The following FAM107B variants were observed in gnomAD, a reference collection of about 807,000 sequenced individuals.
The protein encoded by FAM107B is protein FAM107B.
FAM107B carries 21 observed loss-of-function variants against 31.5 expected under a neutral mutation model. The observed-to-expected ratio is 0.67, with a 90% CI of 0.47 to 0.96. The LOEUF (loss-of-function observed/expected upper bound fraction) is 0.96. Ranked by LOEUF, FAM107B falls within the 40% of genes least tolerant of loss-of-function variation. FAM107B has a pLI of 0.00. For synonymous variants in FAM107B, 157 were observed against 141.5 expected (o/e 1.11, Z -0.78); for missense variants, 452 against 377.1 (o/e 1.20, Z -1.64).
At chr10:14,710,433 CA>C (rs1855618004) in intron 1 of FAM107B, among the ~76,000 whole-genome samples, 1 of 6,804 alleles carries the variant, frequency 1.5e-4, no homozygotes, top group African/African-American at 2.7e-3. Context: ...TCTAAAAATA[CA>C]CACACACACA....
intron 2 of FAM107B, among the ~76,000 whole-genome samples, chr10:14,536,891 T>C (rs1564537893): frequency 1.3e-5 from 2 of 152,170 alleles, no homozygotes; most frequent in Non-Finnish European, 1.5e-5. Context: ...TGCCAAACAG[T>C]GATGCTCTTG....
chr10:14,662,305 T>G (rs1854264163), intron 2 of FAM107B, among the ~76,000 whole-genome samples: 1 of 151,802 alleles, frequency 6.6e-6, no homozygotes, highest in Non-Finnish European at 1.5e-5. Context: ...TATGCTCAGG[T>G]GGAGAAAGTG....
intron 2 of FAM107B, among the ~76,000 whole-genome samples, chr10:14,546,384 G>A (rs532864046): frequency 3.9e-5 from 6 of 152,292 alleles, no homozygotes; most frequent in East Asian, 1.9e-4. Context: ...TTTTGGCACC[G>A]TGAGTAACAC....
intron 2 of FAM107B, among the ~76,000 whole-genome samples, chr10:14,579,495 C>A (rs1229709959): frequency 6.6e-6 from 1 of 152,204 alleles, no homozygotes; most frequent in Non-Finnish European, 1.5e-5. Context: ...CAAAACCGTT[C>A]CTACCTCTCT....
chr10:14,557,769 G>C (rs1344056680), intron 2 of FAM107B, among the ~76,000 whole-genome samples: 1 of 152,226 alleles, frequency 6.6e-6, no homozygotes, highest in East Asian at 1.9e-4. Flanking sequence ...GAGTAGCTGA[G>C]GCCCAGGGGG....
At chr10:14,614,330 GGGCGCTCT>G (rs1852799053) in intron 2 of FAM107B, among the ~76,000 whole-genome samples, 1 of 152,052 alleles carries the variant, frequency 6.6e-6, no homozygotes, top group Non-Finnish European at 1.5e-5. Context: ...CCTGTGCCCA[GGGCGCTCT>G]GGCATTTAGT....
intron 1 of FAM107B, among the ~76,000 whole-genome samples, chr10:14,669,932 A>C (rs1396190579): frequency 6.6e-6 from 1 of 152,238 alleles, no homozygotes. Flanking sequence ...GAGAACTTGA[A>C]ATGTTCCCAA....
chr10:14,628,439 C>A (rs1185444136), intron 2 of FAM107B, among the ~76,000 whole-genome samples: 3 of 152,154 alleles, frequency 2.0e-5, no homozygotes, highest in Non-Finnish European at 4.4e-5. Context: ...CTTTCCTACC[C>A]AGATGGGTCT....
chr10:14,767,628 TA>T (rs60825130), intron 1 of FAM107B, among the ~76,000 whole-genome samples: 6,577 of 151,464 alleles, frequency 0.043, 305 homozygotes, highest in African/African-American at 0.12. Flanking sequence ...CCTTTCATAA[TA>T]AAAAAAATAC....
At chr10:14,690,023 A>AAGGAATGG (rs1422589399) in intron 1 of FAM107B, among the ~76,000 whole-genome samples, 1 of 68,000 alleles carries the variant, frequency 1.5e-5, no homozygotes, top group Non-Finnish European at 3.2e-5. Context: ...GGAAGGAAGG[A>AAGGAATGG]AGGGAGGGAG....
intron 2 of FAM107B, among the ~76,000 whole-genome samples, chr10:14,600,632 TTATGTA>T (rs1294787227): frequency 3.9e-5 from 6 of 152,170 alleles, no homozygotes; most frequent in African/African-American, 9.7e-5. Flanking sequence ...TAATTCTTTT[TTATGTA>T]TATGTATATG....
At chr10:14,629,410 A>ACATATAT (rs1491489748) in intron 2 of FAM107B, among the ~76,000 whole-genome samples, 12,059 of 20,776 alleles carry the variant, frequency 0.58, 2,073 homozygotes, top group East Asian at 0.71. Flanking sequence ...TATATATTTA[A>ACATATAT]TATATATAAT....
chr10:14,678,267 C>CT (rs1233242953), intron 1 of FAM107B, among the ~76,000 whole-genome samples: 1 of 152,178 alleles, frequency 6.6e-6, no homozygotes, highest in East Asian at 1.9e-4. Flanking sequence ...CTCCTTTGCA[C>CT]CTCCCAGAGT....
chr10:14,572,017 C>T (rs975010289), intron 2 of FAM107B: 12 of 985,230 alleles, frequency 1.2e-5, no homozygotes, highest in East Asian at 2.3e-4. Context: ...TTCCTTAGAG[C>T]GGTGAAGAAA....
rs1165398594 is a variant in FAM107B at position 14,767,020 on chromosome 10, GTATGTA to G, written c.411+7227_411+7232del. ...AACTGCAGAACAATATCCCTGATGTGTATGTATATATATATATATATATATATATAT... is the reference window on the plus strand; with the variant it reads ...AACTGCAGAACAATATCCCTGATGTGTATATATATATATATATATATATAT... On this transcript the variant is annotated intron_variant, in intron 1 of 4. Coordinates refer to ENST00000181796, the MANE Select transcript of FAM107B (RefSeq NM_031453.4). Among the ~76,000 whole-genome samples, 176 of 30,374 alleles carry G rather than the reference GTATGTA, an allele frequency of 5.8e-3. 7 individuals are homozygous for G. The highest frequency in any genetic ancestry group is 0.014 in the African/African-American group (159 of 11,702). The allele number at this position is 30,374 out of a possible 152,430, so 19.9% of individuals were successfully genotyped here.
At chr10:14,626,343 A>G (rs1408523100) in intron 2 of FAM107B, among the ~76,000 whole-genome samples, 2 of 152,158 alleles carry the variant, frequency 1.3e-5, no homozygotes, top group Admixed American at 6.6e-5. Context: ...GTTTTCAGTC[A>G]GACTGTGCAA....
intron 2 of FAM107B, among the ~76,000 whole-genome samples, chr10:14,632,738 C>G (rs1853399192): frequency 6.6e-6 from 1 of 151,546 alleles, no homozygotes; most frequent in Middle Eastern, 3.2e-3. Context: ...AAGATAGCAT[C>G]TGAAGTAGGG....
At chr10:14,561,978 GT>G (rs1164188667) in intron 2 of FAM107B, among the ~76,000 whole-genome samples, 1 of 152,112 alleles carries the variant, frequency 6.6e-6, no homozygotes, top group Non-Finnish European at 1.5e-5. Flanking sequence ...TAGAGACAGG[GT>G]TGCACCATGT....
chr10:14,615,423 C>G (rs1852826710), intron 2 of FAM107B, among the ~76,000 whole-genome samples: 1 of 152,214 alleles, frequency 6.6e-6, no homozygotes, highest in Non-Finnish European at 1.5e-5. Context: ...TTTTGGTCTT[C>G]TGGACATTAA....
Sources: gnomAD v4.1 joint callset for allele counts (sites outside exome capture counted in the v4.1 genomes callset) on GRCh38, gnomAD v4.1.1 for gene constraint, MANE v1.5 for transcripts, NCBI Gene and HGNC (gene_info 2026-07-23, HGNC 2026-07-21) for gene names.